The following IGSF21 variants were observed in gnomAD, a reference collection of about 807,000 sequenced individuals.
The protein encoded by IGSF21 is immunoglobin superfamily member 21.
In IGSF21, 28 loss-of-function variants were observed where a neutral mutation model predicts 46.8. That is an observed-to-expected ratio of 0.60 (90% CI 0.44 to 0.82). The LOEUF (loss-of-function observed/expected upper bound fraction) is 0.82. IGSF21 is among the 40% of genes least tolerant of loss of function. IGSF21 has a pLI of 0.00. For synonymous variants in IGSF21, 284 were observed against 273.6 expected (o/e 1.04, Z -0.38); for missense variants, 624 against 665.5 (o/e 0.94, Z 0.69).
At chr1:18,304,775 A>C (rs1035132481) in intron 3 of IGSF21, among the ~76,000 whole-genome samples, 11 of 152,132 alleles carry the variant, frequency 7.2e-5, no homozygotes, top group African/African-American at 2.4e-4. Flanking sequence ...CTAAGTAAAA[A>C]ATCAGTAACC....
intron 3 of IGSF21, among the ~76,000 whole-genome samples, chr1:18,318,067 AAATGAAAG>A (rs1317251786): frequency 2.6e-5 from 4 of 152,204 alleles, no homozygotes; most frequent in African/African-American, 9.6e-5. Context: ...GTTCCCTGCA[AAATGAAAG>A]ACCTTCCTAG....
At chr1:18,139,002 G>A (rs76980686) in intron 1 of IGSF21, among the ~76,000 whole-genome samples, 22 of 151,980 alleles carry the variant, frequency 1.4e-4, no homozygotes, top group Admixed American at 5.2e-4. Flanking sequence ...GTGCTTGGTC[G>A]TGGCTTTGCC....
chr1:18,250,300 A>T (rs1393951790), intron 2 of IGSF21, among the ~76,000 whole-genome samples: 2 of 151,952 alleles, frequency 1.3e-5, no homozygotes, highest in Non-Finnish European at 2.9e-5. Context: ...CTCCCTCAAC[A>T]GACTGGGAAC....
intron 1 of IGSF21, among the ~76,000 whole-genome samples, chr1:18,151,893 AG>A (rs1331230074): frequency 6.6e-6 from 1 of 152,176 alleles, no homozygotes; most frequent in African/African-American, 2.4e-5. Flanking sequence ...TTAAGGTGAA[AG>A]GGGTCACTAA....
chr1:18,256,595 C>G (rs975397767), intron 2 of IGSF21, among the ~76,000 whole-genome samples: 5 of 152,142 alleles, frequency 3.3e-5, no homozygotes, highest in Non-Finnish European at 5.9e-5. Context: ...GGATGTTTCC[C>G]AAGGGGGAAG....
At chr1:18,351,363 TA>T (rs1436162411) in intron 4 of IGSF21, among the ~76,000 whole-genome samples, 5 of 152,200 alleles carry the variant, frequency 3.3e-5, no homozygotes, top group Non-Finnish European at 5.9e-5. Flanking sequence ...ACACCGCTTC[TA>T]AGCAGAAGGG....
In IGSF21 at chr1:18,359,338, AAAAGAAAG is replaced by A. The variant is rs1173594584; in HGVS notation, c.425-2736_425-2729del. On this transcript the variant is annotated intron_variant, in intron 4 of 9. Transcript: ENST00000251296. ...AAAGAGAGAGAGAGAAAGAGAAAGA[AAAAGAAAG>A]AAAGAAAGAAAGAAAGAAAGAAAGA... Among the ~76,000 whole-genome samples, 328 of 35,320 alleles carry A rather than the reference AAAAGAAAG, an allele frequency of 9.3e-3. 6 individuals carry two copies. The highest frequency in any genetic ancestry group is 0.023 in the African/African-American group (245 of 10,444). 23.2% of individuals were successfully genotyped at this position (35,320 alleles called of 152,430 possible).
intron 1 of IGSF21, among the ~76,000 whole-genome samples, chr1:18,125,441 C>T (rs2086267145): frequency 6.6e-6 from 1 of 152,074 alleles, no homozygotes; most frequent in Non-Finnish European, 1.5e-5. Flanking sequence ...TGTGGATGCT[C>T]TGGGGTCTGG....
In IGSF21 at chr1:18,335,298, C is replaced by T. The variant is rs1025953816; in HGVS notation, c.424+288C>T. On this transcript the variant is annotated intron_variant, in intron 4 of 9. Coordinates refer to ENST00000251296, the MANE Select transcript of IGSF21 (RefSeq NM_032880.5). This position sits in a 1 kb window ranked among gnomAD's most constrained non-coding sequence, Gnocchi z 4.8. Reference sequence around the variant, plus strand: ...AGGGAGTGAAGGATAGCACCTCAGCCGAGATGCACACCTGCTGCAGAGGGA... The same window carrying T: ...AGGGAGTGAAGGATAGCACCTCAGCTGAGATGCACACCTGCTGCAGAGGGA... Among the ~76,000 whole-genome samples, 1 of 152,168 alleles carries T rather than the reference C, an allele frequency of 6.6e-6. No homozygotes were observed. The highest frequency in any genetic ancestry group is 2.1e-4 in the South Asian group (1 of 4,830).
intron 3 of IGSF21, among the ~76,000 whole-genome samples, chr1:18,303,454 T>C (rs912612564): frequency 6.6e-6 from 1 of 151,974 alleles, no homozygotes; most frequent in Non-Finnish European, 1.5e-5. Context: ...GGCACTGGGG[T>C]CACCTGTTCC....
At chr1:18,134,223 T>C (rs1454620027) in intron 1 of IGSF21, among the ~76,000 whole-genome samples, 1 of 152,154 alleles carries the variant, frequency 6.6e-6, no homozygotes, top group Non-Finnish European at 1.5e-5. Context: ...TCTGTGGCCT[T>C]CCCATTACCT....
chr1:18,181,956 C>G (rs1240158690), intron 1 of IGSF21, among the ~76,000 whole-genome samples: 6 of 152,148 alleles, frequency 3.9e-5, no homozygotes, highest in Non-Finnish European at 8.8e-5. Flanking sequence ...AATTAAGCAA[C>G]TTGCCCAGAG....
intron 2 of IGSF21, among the ~76,000 whole-genome samples, chr1:18,273,183 G>A (rs1394885123): frequency 6.6e-6 from 1 of 151,562 alleles, no homozygotes. Context: ...TGGGATTACA[G>A]GCACATGTCA....
rs755358969 is a variant in IGSF21, at chr1:18,378,248, T to C, written c.1334-8T>C. 7 of 1,613,648 alleles carry C rather than the reference T, an allele frequency of 4.3e-6. No individual in the cohort carries two copies. The East Asian group carries it at 1.6e-4, about 36-fold the overall frequency. ...AGGCTCTGACCCTTTCCCTGATTCC[T>C]GGCACAGGTTCCATTGGCCCCACTG... is the stretch of plus-strand genomic sequence containing the variant. On this transcript the variant is annotated splice_region_variant and splice_polypyrimidine_tract_variant and intron_variant, in intron 9 of 9. Transcript: ENST00000251296.
At chr1:18,377,196 A>G (rs942434748) in intron 8 of IGSF21, among the ~76,000 whole-genome samples, 197 bp from the exon 9 acceptor site, 3 of 152,172 alleles carry the variant, frequency 2.0e-5, no homozygotes. Flanking sequence ...AAAGAACCTT[A>G]GGCAAACTGC....
At chr1:18,287,277 T>A (rs776963627) in intron 2 of IGSF21, among the ~76,000 whole-genome samples, 1 of 151,868 alleles carries the variant, frequency 6.6e-6, no homozygotes, top group Non-Finnish European at 1.5e-5. Flanking sequence ...GTGCCTGTAG[T>A]CTCAACTACT....
chr1:18,142,451 G>A (rs2086422885), intron 1 of IGSF21, among the ~76,000 whole-genome samples: 1 of 152,116 alleles, frequency 6.6e-6, no homozygotes, highest in South Asian at 2.1e-4. Context: ...ACCCTTACTT[G>A]ATCACCTGAT....
chr1:18,234,224 C>G (rs2084653223), intron 2 of IGSF21, among the ~76,000 whole-genome samples: 1 of 152,174 alleles, frequency 6.6e-6, no homozygotes, highest in Non-Finnish European at 1.5e-5. Flanking sequence ...GTGAGGAAGA[C>G]AAAAGCCAGG....
chr1:18,314,883 A>G (rs1418947405), intron 3 of IGSF21, among the ~76,000 whole-genome samples: 7 of 152,240 alleles, frequency 4.6e-5, no homozygotes, highest in Non-Finnish European at 7.4e-5. Flanking sequence ...GGCAGGTACA[A>G]TGATGGGGAC....
Sources: allele counts gnomAD v4.1 joint callset (sites outside exome capture counted in the v4.1 genomes callset), GRCh38; gene constraint gnomAD v4.1.1; non-coding constraint Gnocchi (gnomAD v3.1); transcripts MANE v1.5; gene names NCBI Gene and HGNC (gene_info 2026-07-23, HGNC 2026-07-21).